Variants in TBCK observed in about 807,000 individuals in gnomAD.
TBCK encodes the protein TBC domain-containing protein kinase-like protein.
Under a neutral mutation model 113.4 loss-of-function variants are expected in TBCK, and 99 were observed. The observed-to-expected ratio is 0.87, with a 90% CI of 0.74 to 1.03. TBCK has a LOEUF of 1.03. Ranked by LOEUF, TBCK falls within the 50% of genes least tolerant of loss-of-function variation. The pLI is 0.00. For missense variants in TBCK, 1,045 were observed against 1,061.3 expected, an observed-to-expected ratio of 0.98 and a Z score of 0.21; for synonymous variants, 369 against 370.8, an observed-to-expected ratio of 1.00 and a Z score of 0.05.
At chr4:106,077,329 C>T (rs1391384174) in intron 25 of TBCK, among the ~76,000 whole-genome samples, 2 of 152,130 alleles carry the variant, frequency 1.3e-5, no homozygotes, top group African/African-American at 4.8e-5. Flanking sequence ...CAATATCGAC[C>T]ATGAATGTAA....
Position 106,242,565 on chromosome 4 carries a change from G to T in TBCK, c.1075C>A (p.Leu359Ile). ...KPPICTLPNF[L>I]FEDGESFGQG... ...CCAAAGCTTTCACCATCCTCAAAGAGAAAACTGAAAAGAAATTTTTAAAAA... is the reference window on the plus strand; with the variant it reads ...CCAAAGCTTTCACCATCCTCAAAGATAAAACTGAAAAGAAATTTTTAAAAA... The change falls in exon 12 of 26, where the codon CTC (leucine) becomes ATC (isoleucine). Residue 359 changes from leucine (L) to isoleucine (I), a missense_variant. Physicochemically the swap from Leu to Ile is conservative, Grantham distance 5. Transcript: ENST00000394708. The T allele has an allele frequency of 6.3e-7, 1 of 1,590,228 alleles. No individual in the cohort carries two copies. The highest frequency in any genetic ancestry group is 2.3e-5 in the East Asian group (1 of 44,216).
chr4:106,140,486 A>G lies in TBCK; in HGVS notation c.2236-24108T>C, dbSNP rs1353920035. On this transcript the variant is annotated intron_variant, in intron 23 of 25. Coordinates refer to ENST00000394708, the MANE Select transcript of TBCK (RefSeq NM_001163435.3). Reference sequence around the variant, plus strand: ...AAATAAAAAAAACTACATATAATCAAGAATTAACCAACAAATGACAAATGG... The same window carrying G: ...AAATAAAAAAAACTACATATAATCAGGAATTAACCAACAAATGACAAATGG... 1.4e-5 allele frequency among the ~76,000 whole-genome samples: 2 copies of G among 141,064 alleles called. 1 individual carries two copies. The highest frequency in any genetic ancestry group is 3.2e-5 in the Non-Finnish European group (2 of 62,040). The allele number at this position is 141,064 out of a possible 152,430, so 92.5% of individuals were successfully genotyped here. A position where few individuals can be genotyped will look rare whatever the true frequency, so the allele number is the denominator to read the frequency against.
chr4:106,143,795 T>C (rs1197782689), intron 23 of TBCK, among the ~76,000 whole-genome samples: 1 of 151,740 alleles, frequency 6.6e-6, no homozygotes, highest in Non-Finnish European at 1.5e-5. Context: ...ACACCTGCAA[T>C]CCCAGCTATT....
chr4:106,116,286 C>T lies in TBCK; in HGVS notation c.2328G>A (p.Val776=), dbSNP rs753864052. Residue 776 remains valine, a synonymous_variant, in exon 24 of 26, where the codon GTG becomes GTA. Coordinates refer to ENST00000394708, the MANE Select transcript of TBCK (RefSeq NM_001163435.3). ...TGCTGGGTGTTTTGAAGTGGCCTGT[C>T]ACTGTGAGCTCACACAAGTCAATCA... The part of the protein sequence containing the change: ...EDLIDLCELT[V]TGHFKTPSKK... The T allele has an allele frequency of 6.2e-7, 1 of 1,613,894 alleles. No individual in the cohort carries two copies. Among genetic ancestry groups the T allele is most frequent in the Non-Finnish European group, 8.5e-7 (1 of 1,180,000 alleles).
chr4:106,066,917 G>C (rs957338844), intron 25 of TBCK, among the ~76,000 whole-genome samples: 1 of 151,858 alleles, frequency 6.6e-6, no homozygotes, highest in Non-Finnish European at 1.5e-5. Flanking sequence ...TAATTTATCT[G>C]TTGATAGACA....
At chr4:106,261,137 G>T (rs1762468711) in intron 4 of TBCK, among the ~76,000 whole-genome samples, 1 of 151,888 alleles carries the variant, frequency 6.6e-6, no homozygotes, top group African/African-American at 2.4e-5. Flanking sequence ...ATATTAAGTT[G>T]ATCTTAAAAT....
chr4:106,070,234 G>T lies in TBCK; in HGVS notation c.2572-23554C>A, dbSNP rs536360843. ...GTCTTGTGCCAGTTTTCAAAGGGAAGGCTTCCAGTTTTAGCCCATTCAGTA... is the reference window on the plus strand; with the variant it reads ...GTCTTGTGCCAGTTTTCAAAGGGAATGCTTCCAGTTTTAGCCCATTCAGTA... On this transcript the variant is annotated intron_variant, in intron 25 of 25. Coordinates refer to ENST00000394708, the MANE Select transcript of TBCK (RefSeq NM_001163435.3). Among the ~76,000 whole-genome samples, 757 of 152,198 alleles carry T rather than the reference G, an allele frequency of 5.0e-3. 3 individuals carry two copies. Among genetic ancestry groups the T allele is most frequent in the African/African-American group, 0.018 (728 of 41,526 alleles).
chr4:106,220,640 T>A (rs1757571791), intron 19 of TBCK, among the ~76,000 whole-genome samples: 2 of 152,152 alleles, frequency 1.3e-5, no homozygotes, highest in African/African-American at 2.4e-5. Context: ...CAAGTAATAC[T>A]TTTTCTTGAC....
At chr4:106,115,314 T>C (rs1346695826) in intron 24 of TBCK, among the ~76,000 whole-genome samples, 1 of 152,126 alleles carries the variant, frequency 6.6e-6, no homozygotes, top group Non-Finnish European at 1.5e-5. Flanking sequence ...TATATACATA[T>C]AATGGAAATA....
intron 20 of TBCK, among the ~76,000 whole-genome samples, chr4:106,196,482 T>C (rs1349935917): frequency 1.3e-5 from 2 of 152,030 alleles, no homozygotes; most frequent in Admixed American, 1.3e-4. Flanking sequence ...AAAAGGTGCA[T>C]ATTGTCTTTG....
chr4:106,114,520 G>A (rs1396620406), intron 24 of TBCK, among the ~76,000 whole-genome samples: 5 of 152,158 alleles, frequency 3.3e-5, no homozygotes, highest in Admixed American at 6.5e-5. Flanking sequence ...GCACCAGCTT[G>A]TCAGGGCTAC....
intron 24 of TBCK, among the ~76,000 whole-genome samples, chr4:106,113,698 C>T (rs1284543627): frequency 6.6e-6 from 1 of 152,210 alleles, no homozygotes; most frequent in Non-Finnish European, 1.5e-5. Flanking sequence ...GGACAGGACG[C>T]TGAAGAAGAG....
chr4:106,270,787 AG>A (rs2150128637), intron 3 of TBCK, among the ~76,000 whole-genome samples: 1 of 152,312 alleles, frequency 6.6e-6, no homozygotes, highest in East Asian at 1.9e-4. Flanking sequence ...TGTAAACAAA[AG>A]TTTGTCAAAC....
intron 25 of TBCK, among the ~76,000 whole-genome samples, chr4:106,060,550 T>C (rs1171784713): frequency 6.6e-6 from 1 of 151,798 alleles, no homozygotes; most frequent in Non-Finnish European, 1.5e-5. Flanking sequence ...TTTCAAAATA[T>C]TATTGCTCAT....
At chr4:106,185,409 ATTG>A (rs1027566138) in intron 22 of TBCK, among the ~76,000 whole-genome samples, 20 of 151,994 alleles carry the variant, frequency 1.3e-4, no homozygotes, top group African/African-American at 4.8e-4. Flanking sequence ...CTGTATATTA[ATTG>A]TTGTACAGCA....
At chr4:106,072,100 A>G (rs1240815548) in intron 25 of TBCK, among the ~76,000 whole-genome samples, 1 of 152,154 alleles carries the variant, frequency 6.6e-6, no homozygotes, top group African/African-American at 2.4e-5. Flanking sequence ...TTTACATTTA[A>G]GATTAATATT....
At chr4:106,208,846 G>GTTTTC (rs1166275258) in intron 20 of TBCK, among the ~76,000 whole-genome samples, 5 of 152,140 alleles carry the variant, frequency 3.3e-5, no homozygotes, top group Non-Finnish European at 5.9e-5. Flanking sequence ...CCCCCTTTGG[G>GTTTTC]GCTTTGGGGT....
At chr4:106,187,608 G>T (rs1179993124) in intron 22 of TBCK, among the ~76,000 whole-genome samples, 1 of 152,038 alleles carries the variant, frequency 6.6e-6, no homozygotes, top group Non-Finnish European at 1.5e-5. Context: ...TAGAGATGGG[G>T]TTTCAACATA....
chr4:106,147,736 G>C (rs951752669), intron 23 of TBCK, among the ~76,000 whole-genome samples: 2 of 151,984 alleles, frequency 1.3e-5, no homozygotes, highest in Non-Finnish European at 2.9e-5. Flanking sequence ...ATAAATTGTA[G>C]AGCATGTGTG....
Sources: gnomAD v4.1 joint callset for allele counts (sites outside exome capture counted in the v4.1 genomes callset) on GRCh38, gnomAD v4.1.1 for gene constraint, MANE v1.5 for transcripts, NCBI Gene and HGNC (gene_info 2026-07-23, HGNC 2026-07-21) for gene names.